The following NEXMIF variants were observed in gnomAD, a reference collection of about 807,000 sequenced individuals.
The protein encoded by NEXMIF is XLMR protein related to neurite extension.
A neutral mutation model predicts 62.1 loss-of-function variants in NEXMIF; 8 were observed. That is an observed-to-expected ratio of 0.13 (90% CI 0.08 to 0.23). The LOEUF is 0.23. Ranked by LOEUF, NEXMIF falls within the 10% of genes least tolerant of loss-of-function variation. The pLI, the probability that NEXMIF is intolerant of heterozygous loss-of-function variation, is 1.00. For missense variants in NEXMIF, 976 were observed against 1,113.3 expected, an observed-to-expected ratio of 0.88 and a Z score of 1.75; for synonymous variants, 404 against 416.6, an observed-to-expected ratio of 0.97 and a Z score of 0.37.
At chrX:74,823,815 CGTT>C (rs2080405686) in intron 1 of NEXMIF, among the ~76,000 whole-genome samples, 1 of 110,986 alleles carries the variant, frequency 9.0e-6, no homozygotes, top group African/African-American at 3.3e-5. Flanking sequence ...ATGTAAAAAA[CGTT>C]AACATTTGGG....
At chrX:74,888,048 C>G (rs1326362394) in intron 1 of NEXMIF, among the ~76,000 whole-genome samples, 1 of 109,050 alleles carries the variant, frequency 9.2e-6, no homozygotes, top group Non-Finnish European at 1.9e-5. Flanking sequence ...GACAAAAAAC[C>G]AAACACGGCA....
chrX:74,899,444 C>T (rs1262890770), intron 1 of NEXMIF, among the ~76,000 whole-genome samples: 2 of 110,941 alleles, frequency 1.8e-5, no homozygotes, highest in Non-Finnish European at 3.8e-5. Context: ...AATGGACTAC[C>T]CAAGAAAGAA....
intron 1 of NEXMIF, among the ~76,000 whole-genome samples, chrX:74,806,289 A>G (rs1465802529): frequency 9.0e-6 from 1 of 111,109 alleles, no homozygotes; most frequent in Non-Finnish European, 1.9e-5. Flanking sequence ...GAGTGGGGCA[A>G]GGATTGAAAA....
intron 1 of NEXMIF, among the ~76,000 whole-genome samples, chrX:74,753,324 C>G (rs1027627157): frequency 7.2e-5 from 8 of 111,720 alleles, no homozygotes; most frequent in African/African-American, 2.6e-4. Flanking sequence ...AGTGGGGTAA[C>G]CAAGTCCCAG....
In NEXMIF at chrX:74,743,411, C is replaced by T. The variant is rs751820229; in HGVS notation, c.1146G>A (p.Lys382=). ...IWGEEDKNLD[K]KKGKEEGQED... Reference sequence around the variant, plus strand: ...CCTGTCCTTCCTCTTTGCCTTTCTTCTTGTCCAAGTTTTTATCTTCCTCCC... The same window carrying T: ...CCTGTCCTTCCTCTTTGCCTTTCTTTTTGTCCAAGTTTTTATCTTCCTCCC... Residue 382 remains lysine, a synonymous_variant, in exon 3 of 4, where the codon AAG becomes AAA. Coordinates refer to ENST00000055682, the MANE Select transcript of NEXMIF (RefSeq NM_001008537.3). 5 of 1,209,468 alleles carry T rather than the reference C, an allele frequency of 4.1e-6. No homozygotes were observed. The highest frequency in any genetic ancestry group is 5.6e-6 in the Non-Finnish European group (5 of 895,182).
chrX:74,781,699 A>G (rs1047060551), intron 1 of NEXMIF, among the ~76,000 whole-genome samples: 7 of 100,751 alleles, frequency 6.9e-5, no homozygotes, highest in Admixed American at 3.3e-4. Flanking sequence ...AGTGGAGGCC[A>G]GTGATTTATG....
At position 74,744,217 on chromosome X, in the gene NEXMIF, G is replaced by C; in HGVS notation, c.340C>G (p.Leu114Val). The change falls in exon 3 of 4, where the codon CTT becomes GTT. Residue 114 changes from leucine to valine, a missense_variant. This residue lies in a region of NEXMIF where 126 missense variants were observed against 146.5 expected (regional missense o/e 0.86). Transcript: ENST00000055682. ...GGAGCTTTCTCACATTCATTGGGAA[G>C]TGACCATGTGTTCAGGCCTTTTGCA... ...GIAKGLNTWS[L>V]PNECEKAPFA... 1 of 1,211,650 alleles carries C rather than the reference G, an allele frequency of 8.3e-7. No homozygotes were observed. Among genetic ancestry groups the C allele is most frequent in the Non-Finnish European group, 1.1e-6 (1 of 895,517 alleles).
At chrX:74,754,371 C>T (rs1477141596) in intron 1 of NEXMIF, among the ~76,000 whole-genome samples, 2 of 100,161 alleles carry the variant, frequency 2.0e-5, no homozygotes, top group South Asian at 9.3e-4. Context: ...TGTAGTGGTG[C>T]GATCTCGGCT....
intron 1 of NEXMIF, among the ~76,000 whole-genome samples, chrX:74,865,709 T>TG (rs1404658147): frequency 8.9e-6 from 1 of 111,971 alleles, no homozygotes; most frequent in Non-Finnish European, 1.9e-5. Flanking sequence ...CCTAGGGACT[T>TG]GGAGACCTGC....
rs767544722 is a variant in NEXMIF at position 74,743,483 on chromosome X, G to A, written c.1074C>T (p.Ser358=). ...GGACCTTGAATTGGGAAAAATCACT[G>A]CTCTGCTTCAGGGCCCCACTCTTAG... is the stretch of plus-strand genomic sequence containing the variant. ...RESKSGALKQ[S]SDFSQFKVPD... The change falls in exon 3 of 4, where the codon AGC becomes AGT. Residue 358 remains serine (S), a synonymous_variant. Coordinates refer to ENST00000055682, the MANE Select transcript of NEXMIF (RefSeq NM_001008537.3). The A allele has an allele frequency of 8.3e-7, 1 of 1,209,473 alleles. No individual in the cohort carries two copies. Among genetic ancestry groups the A allele is most frequent in the East Asian group, 3.0e-5 (1 of 33,728 alleles).
chrX:74,825,042 C>T (rs1229996427), intron 1 of NEXMIF, among the ~76,000 whole-genome samples: 1 of 111,421 alleles, frequency 9.0e-6, no homozygotes, highest in Non-Finnish European at 1.9e-5. Flanking sequence ...TTCTTCACAT[C>T]CTCACCAATA....
chrX:74,839,533 A>ATAGATACTAT (rs1318537574), intron 1 of NEXMIF, among the ~76,000 whole-genome samples: 1 of 111,796 alleles, frequency 8.9e-6, no homozygotes, highest in Non-Finnish European at 1.9e-5. Flanking sequence ...CCAGTACCCA[A>ATAGATACTAT]TAGTTATCTT....
chrX:74,791,516 C>G (rs1569343801), intron 1 of NEXMIF, among the ~76,000 whole-genome samples: 1 of 111,476 alleles, frequency 9.0e-6, no homozygotes, highest in Non-Finnish European at 1.9e-5. Context: ...AGGATTCCCT[C>G]TTTTTCTATT....
chrX:74,832,402 G>A (rs1232280789), intron 1 of NEXMIF, among the ~76,000 whole-genome samples: 1 of 111,438 alleles, frequency 9.0e-6, no homozygotes, highest in African/African-American at 3.3e-5. Context: ...GTTGCTGATA[G>A]TAGCCACTGG....
intron 1 of NEXMIF, among the ~76,000 whole-genome samples, chrX:74,783,507 G>A (rs904880269): frequency 8.9e-6 from 1 of 111,835 alleles, no homozygotes; most frequent in East Asian, 2.8e-4. Context: ...AGGGCCACCT[G>A]GAGCAGAGGG....
intron 1 of NEXMIF, among the ~76,000 whole-genome samples, chrX:74,820,860 C>T (rs1338855076): frequency 9.0e-6 from 1 of 110,741 alleles, no homozygotes; most frequent in Non-Finnish European, 1.9e-5. Context: ...CTGGGGCCTA[C>T]CTGAGGGCAG....
At chrX:74,773,519 C>A (rs758450037) in intron 1 of NEXMIF, among the ~76,000 whole-genome samples, 7 of 110,838 alleles carry the variant, frequency 6.3e-5, no homozygotes, top group Non-Finnish European at 1.1e-4. Context: ...TCAAGGTGGA[C>A]TGACTCGCCC....
chrX:74,857,335 A>C (rs983668600), intron 1 of NEXMIF, among the ~76,000 whole-genome samples: 1 of 112,263 alleles, frequency 8.9e-6, no homozygotes, highest in African/African-American at 3.2e-5. Context: ...GCCAAAGCAG[A>C]ATAGGGCACT....
chrX:74,739,181 C>T lies in NEXMIF; in HGVS notation c.*224G>A. 1 of 321,864 alleles carries T rather than the reference C, an allele frequency of 3.1e-6. No individual in the cohort carries two copies. The highest frequency in any genetic ancestry group is 5.3e-6 in the Non-Finnish European group (1 of 187,361). The allele number at this position is 321,864 out of a possible 1,213,427, so 26.5% of individuals were successfully genotyped here. A position where few individuals can be genotyped will look rare whatever the true frequency, so the allele number is the denominator to read the frequency against. On this transcript the variant is annotated 3_prime_UTR_variant, in exon 4 of 4. Transcript: ENST00000055682. ...GAAGTAAAAATATATACAGTACAGT[C>T]ACTTGTTTGTAGTTTGGCACAATGT...
Sources: allele counts gnomAD v4.1 joint callset (sites outside exome capture counted in the v4.1 genomes callset), GRCh38; gene constraint gnomAD v4.1.1; regional missense constraint gnomAD v4.1.1; transcripts MANE v1.5; gene names NCBI Gene and HGNC (gene_info 2026-07-23, HGNC 2026-07-21).